Variants in PPIG observed in about 807,000 individuals in gnomAD.
PPIG encodes peptidyl-prolyl cis-trans isomerase G.
PPIG carries 26 observed loss-of-function variants against 87.9 expected under a neutral mutation model. The observed-to-expected ratio is 0.30, with a 90% CI of 0.22 to 0.41. The LOEUF is 0.41. PPIG is among the 10% of genes least tolerant of loss of function. The pLI is 1.00. For synonymous variants in PPIG, 308 were observed against 276.5 expected (o/e 1.11, Z -1.13); for missense variants, 722 against 879.4 (o/e 0.82, Z 2.26).
At chr2:169,620,319 G>A (rs574397029) in intron 9 of PPIG, among the ~76,000 whole-genome samples, 87 of 152,100 alleles carry the variant, frequency 5.7e-4, no homozygotes, top group African/African-American at 2.1e-3. Context: ...TTCCAACACC[G>A]TTTATTGAAG....
chr2:169,628,183 G>A (rs924889411), intron 9 of PPIG, among the ~76,000 whole-genome samples: 6 of 152,092 alleles, frequency 3.9e-5, no homozygotes, highest in East Asian at 1.9e-4. Flanking sequence ...GGCAGGAAAC[G>A]GCATGGCTGG....
In PPIG at chr2:169,630,848, A is replaced by C; in HGVS notation, c.622A>C (p.Ser208Arg). ...SSSSSDSDSS[S>R]DSQSSSDSSD... ...CTCATCTAGTGACTCAGATAGCTCA[A>C]GTGATTCTCAGTCCTCTTCTGATTC... The change falls in exon 10 of 14, where the codon AGT becomes CGT. Residue 208 changes from serine to arginine, a missense_variant. Around this residue, in one of 4 missense-constraint regions of PPIG, gnomAD observed 142 missense variants for 152.8 expected, o/e 0.93. Coordinates refer to ENST00000260970, the MANE Select transcript of PPIG (RefSeq NM_004792.3). The C allele has an allele frequency of 6.2e-7, 1 of 1,613,092 alleles. No homozygotes were observed. The highest frequency in any genetic ancestry group is 8.5e-7 in the Non-Finnish European group (1 of 1,179,410).
intron 1 of PPIG, among the ~76,000 whole-genome samples, chr2:169,596,305 A>G (rs1559175613): frequency 1.3e-5 from 2 of 150,720 alleles, no homozygotes; most frequent in Non-Finnish European, 1.5e-5. Context: ...GGGTTTCATC[A>G]TGTTGGCCAG....
chr2:169,614,314 T>C (rs1377350146), intron 7 of PPIG, 150 bp from the exon 8 acceptor site: 36 of 694,248 alleles, frequency 5.2e-5, no homozygotes, highest in Middle Eastern at 4.2e-4. Context: ...CTACTTAAGA[T>C]TGAGGTAATA....
At chr2:169,609,822 G>T (rs1685436747) in intron 7 of PPIG, among the ~76,000 whole-genome samples, 1 of 152,174 alleles carries the variant, frequency 6.6e-6, no homozygotes, top group South Asian at 2.1e-4. Flanking sequence ...TTCTATTGAT[G>T]CTAAATTTAG....
intron 9 of PPIG, among the ~76,000 whole-genome samples, chr2:169,616,371 G>A (rs1685609468): frequency 6.6e-6 from 1 of 152,134 alleles, no homozygotes; most frequent in Admixed American, 6.5e-5. Context: ...CTAGTAATGG[G>A]ATTGCTGTGC....
intron 4 of PPIG, 26 bp from the exon 5 acceptor site, chr2:169,606,013 A>G: frequency 6.6e-7 from 1 of 1,512,402 alleles, no homozygotes; most frequent in Non-Finnish European, 9.2e-7. Flanking sequence ...CTTTCTATTA[A>G]ATGTCCTATT....
chr2:169,588,844 C>T (rs1020460870), intron 1 of PPIG, among the ~76,000 whole-genome samples: 13 of 151,402 alleles, frequency 8.6e-5, no homozygotes, highest in African/African-American at 3.2e-4. Flanking sequence ...CCTGTAATCC[C>T]AGCTACTCGG....
chr2:169,605,186 T>C (rs941025134), intron 4 of PPIG, among the ~76,000 whole-genome samples: 1 of 151,668 alleles, frequency 6.6e-6, no homozygotes, highest in East Asian at 2.0e-4. Context: ...AAATAAAAAT[T>C]AGCCAGGCGT....
intron 4 of PPIG, 138 bp from the exon 5 acceptor site, chr2:169,605,901 T>A (rs1035374142): frequency 1.3e-4 from 84 of 626,506 alleles, no homozygotes; most frequent in East Asian, 2.0e-4. Flanking sequence ...AATGAATTTT[T>A]AAAAAAAAAT....
At chr2:169,613,820 G>A (rs1054314929) in intron 7 of PPIG, among the ~76,000 whole-genome samples, 1 of 152,146 alleles carries the variant, frequency 6.6e-6, no homozygotes, top group Non-Finnish European at 1.5e-5. Context: ...CAGCTACTTG[G>A]GATGCTGAGG....
chr2:169,636,679 A>C lies in PPIG; in HGVS notation c.1421A>C (p.Asp474Ala). 1 of 1,608,254 alleles carries C rather than the reference A, an allele frequency of 6.2e-7. No homozygotes were observed. The highest frequency in any genetic ancestry group is 1.3e-5 in the African/African-American group (1 of 74,548). Residue 474 changes from aspartate (D) to alanine (A), a missense_variant, in exon 14 of 14, where the codon GAT becomes GCT. Around this residue, in one of 4 missense-constraint regions of PPIG, gnomAD observed 476 missense variants for 483.1 expected, o/e 0.99. Coordinates refer to ENST00000260970, the MANE Select transcript of PPIG (RefSeq NM_004792.3). ...SKEKSKSKER[D>A]SKHNRNEEKR... ...GAGAAATCAAAGAGTAAAGAAAGAG[A>C]TTCAAAACATAATAGAAATGAAGAA... is the stretch of plus-strand genomic sequence containing the variant.
In PPIG at chr2:169,637,740, A is replaced by G; in HGVS notation, c.*217A>G. ...AGTTTTAATAAACTCGACATGAGAAAAACACTTTGGTGTAGTACTGTGTGC... is the reference window on the plus strand; with the variant it reads ...AGTTTTAATAAACTCGACATGAGAAGAACACTTTGGTGTAGTACTGTGTGC... On this transcript the variant is annotated 3_prime_UTR_variant, in exon 14 of 14. Coordinates refer to ENST00000260970, the MANE Select transcript of PPIG (RefSeq NM_004792.3). 2.1e-6 allele frequency: 1 copy of G among 487,594 alleles called. No individual in the cohort carries two copies. Among genetic ancestry groups the G allele is most frequent in the East Asian group, 3.6e-5 (1 of 27,928 alleles). The allele number at this position is 487,594 out of a possible 1,614,324, so 30.2% of individuals were successfully genotyped here. A position where few individuals can be genotyped will look rare whatever the true frequency, so the allele number is the denominator to read the frequency against.
At position 169,606,136 on chromosome 2, in the gene PPIG, C is replaced by T; in HGVS notation, c.234C>T (p.Asp78=). The T allele has an allele frequency of 4.4e-6, 7 of 1,599,832 alleles. No individual in the cohort carries two copies. Among genetic ancestry groups the T allele is most frequent in the Non-Finnish European group, 6.0e-6 (7 of 1,167,166 alleles). The part of the protein sequence containing the change: ...VVKDFMVQGG[D]FSEGNGRGGE... ...AGGATTTTATGGTTCAAGGTGGTGA[C>T]TTCAGTGAAGGTGAGACTTGGAAAA... Residue 78 remains aspartate (D), a synonymous_variant, in exon 5 of 14, where the codon GAC becomes GAT. Coordinates refer to ENST00000260970, the MANE Select transcript of PPIG (RefSeq NM_004792.3).
At chr2:169,587,798 A>C (rs1684744633) in intron 1 of PPIG, among the ~76,000 whole-genome samples, 1 of 152,202 alleles carries the variant, frequency 6.6e-6, no homozygotes, top group Non-Finnish European at 1.5e-5. Flanking sequence ...TCACACGCTT[A>C]CTGAAATTTG....
At chr2:169,627,725 T>TTTTAA (rs1491338209) in intron 9 of PPIG, among the ~76,000 whole-genome samples, 2 of 142,942 alleles carry the variant, frequency 1.4e-5, no homozygotes, top group African/African-American at 5.4e-5. Context: ...TTTTTTTTTT[T>TTTTAA]AATTTCAAAC....
intron 1 of PPIG, among the ~76,000 whole-genome samples, chr2:169,587,992 C>T (rs552011396): frequency 2.0e-5 from 3 of 151,966 alleles, no homozygotes; most frequent in African/African-American, 4.8e-5. Context: ...CCCGTCTCTC[C>T]GTTTCTACTT....
At chr2:169,625,678 CA>C in intron 9 of PPIG, among the ~76,000 whole-genome samples, 1 of 152,240 alleles carries the variant, frequency 6.6e-6, no homozygotes, top group South Asian at 2.1e-4. Flanking sequence ...TTCTGAAGTT[CA>C]AGCCTCCTCC....
Position 169,636,985 on chromosome 2 carries a change from G to A in PPIG, c.1727G>A (p.Arg576Gln), listed in dbSNP as rs750012306. The A allele has an allele frequency of 4.3e-6, 7 of 1,613,756 alleles. No homozygotes were observed. Among genetic ancestry groups the A allele is most frequent in the Admixed American group, 3.3e-5 (2 of 59,948 alleles). ...AGTAGGGACAGAAGCAGAAGAGTGC[G>A]ATCAAGAACCCATGACAGAGATCGC... Reference protein sequence around the residue: ...SRSRDRSRRVRSRTHDRDRSR... With the variant: ...SRSRDRSRRVQSRTHDRDRSR... The change falls in exon 14 of 14, where the codon CGA becomes CAA. Residue 576 changes from arginine to glutamine, a missense_variant. Physicochemically the swap from Arg to Gln is conservative, Grantham distance 43. Transcript: ENST00000260970.
Sources: gnomAD v4.1 joint callset for allele counts (sites outside exome capture counted in the v4.1 genomes callset) on GRCh38, gnomAD v4.1.1 for gene constraint, gnomAD v4.1.1 regional missense constraint, MANE v1.5 for transcripts, NCBI Gene and HGNC (gene_info 2026-07-23, HGNC 2026-07-21) for gene names.